PRDM1: variants seen among roughly 807,000 people sequenced by gnomAD.
PRDM1 encodes the protein PR domain zinc finger protein 1.
In PRDM1, 13 loss-of-function variants were observed where a neutral mutation model predicts 62.8. The ratio of observed to expected loss-of-function variants is 0.21; its 90% CI spans 0.13 to 0.33. The LOEUF is 0.33. PRDM1 is among the 10% of genes least tolerant of loss of function. The pLI, the probability that PRDM1 is intolerant of heterozygous loss-of-function variation, is 1.00. For synonymous variants in PRDM1, 396 were observed against 417.6 expected (o/e 0.95, Z 0.63); for missense variants, 895 against 1,058.8 (o/e 0.85, Z 2.15).
chr6:106,036,829 T>G (rs1427240000), intron 1 of PRDM1, among the ~76,000 whole-genome samples: 1 of 151,852 alleles, frequency 6.6e-6, no homozygotes, highest in Non-Finnish European at 1.5e-5. Context: ...ATACAAAAAT[T>G]TAGAGATGGG....
intron 1 of PRDM1, among the ~76,000 whole-genome samples, chr6:106,036,013 C>T (rs1018343323): frequency 7.2e-5 from 11 of 151,740 alleles, no homozygotes; most frequent in Non-Finnish European, 1.5e-4. Flanking sequence ...AGTGACCCAC[C>T]TGCCTCGGCC....
At chr6:106,039,927 G>T (rs1272470300) in intron 1 of PRDM1, among the ~76,000 whole-genome samples, 1 of 152,204 alleles carries the variant, frequency 6.6e-6, no homozygotes, top group Non-Finnish European at 1.5e-5. Flanking sequence ...TCCTAGTAAA[G>T]GTTTGCCAGT....
chr6:106,050,005 T>A (rs56177114), intron 1 of PRDM1, among the ~76,000 whole-genome samples: 6,528 of 152,278 alleles, frequency 0.043, 162 homozygotes, highest in Non-Finnish European at 0.059. Context: ...AATATTCATA[T>A]TTGGTGCAGA....
At chr6:106,011,829 T>TA (rs751161601) in intron 1 of PRDM1, among the ~76,000 whole-genome samples, 20 of 151,706 alleles carry the variant, frequency 1.3e-4, no homozygotes, top group Non-Finnish European at 2.5e-4. Flanking sequence ...CCCCCACACA[T>TA]TCACACACAT....
In PRDM1 at chr6:106,104,863, A is replaced by G; in HGVS notation, c.703A>G (p.Lys235Glu). Residue 235 changes from lysine to glutamate, a missense_variant, in exon 5 of 7, where the codon AAA becomes GAA. Coordinates refer to ENST00000369096, the MANE Select transcript of PRDM1 (RefSeq NM_001198.4). The part of the protein sequence containing the change: ...QSSLKQPSTE[K>E]NELCPKNVPK... ...CAGTCTAAAGCAACCGAGCACTGAG[A>G]AAAATGAACTCTGCCCAAAGAATGT... 1 of 1,614,014 alleles carries G rather than the reference A, an allele frequency of 6.2e-7. No homozygotes were observed. Among genetic ancestry groups the G allele is most frequent in the Non-Finnish European group, 8.5e-7 (1 of 1,179,982 alleles).
chr6:105,992,759 C>T (rs113648433), upstream of PRDM1, among the ~76,000 whole-genome samples: 250 of 152,352 alleles, frequency 1.6e-3, 3 homozygotes, highest in African/African-American at 5.5e-3. Context: ...ACTTCAGGTC[C>T]CCCTTGCCTG....
At position 106,099,225 on chromosome 6, in the gene PRDM1, T is replaced by C. The variant is rs1774196479; in HGVS notation, c.412-75T>C. ...ATCAGAAATCACACACGGTACCGGC[T>C]GTGTTTATTCTGAGAGGTGCTGGGG... On this transcript the variant is annotated intron_variant, in intron 3 of 6. Coordinates refer to ENST00000369096, the MANE Select transcript of PRDM1 (RefSeq NM_001198.4). 3 of 1,605,964 alleles carry C rather than the reference T, an allele frequency of 1.9e-6. No homozygotes were observed. The Admixed American group carries it at 5.0e-5, about 27-fold the overall frequency.
At chr6:106,033,243 G>A (rs1484229247) in intron 1 of PRDM1, among the ~76,000 whole-genome samples, 1 of 151,522 alleles carries the variant, frequency 6.6e-6, no homozygotes, top group Non-Finnish European at 1.5e-5. Flanking sequence ...GGGCCCAAGT[G>A]ATACCCCACC....
intron 1 of PRDM1, among the ~76,000 whole-genome samples, chr6:105,993,761 G>C (rs1049307398): frequency 1.3e-5 from 2 of 152,238 alleles, no homozygotes; most frequent in Non-Finnish European, 2.9e-5. Flanking sequence ...ATGAGGGATA[G>C]TAAAAGAGTG....
intron 1 of PRDM1, among the ~76,000 whole-genome samples, chr6:106,040,415 AG>A (rs1185542296): frequency 6.6e-6 from 1 of 152,202 alleles, no homozygotes; most frequent in Non-Finnish European, 1.5e-5. Flanking sequence ...GTCTATCTGC[AG>A]GCCAGGGTGT....
intron 1 of PRDM1, among the ~76,000 whole-genome samples, chr6:106,004,473 A>T (rs1772461364): frequency 6.6e-6 from 1 of 152,220 alleles, no homozygotes; most frequent in South Asian, 2.1e-4. Context: ...GCATAACCTG[A>T]GTGACTTCTT....
intron 1 of PRDM1, among the ~76,000 whole-genome samples, chr6:106,052,347 A>AT (rs766640667): frequency 6.6e-6 from 1 of 151,980 alleles, no homozygotes; most frequent in Non-Finnish European, 1.5e-5. Context: ...TTTTGGCAAG[A>AT]TTTTTTTTAC....
chr6:106,066,739 C>G (rs1232551882), intron 1 of PRDM1, among the ~76,000 whole-genome samples: 1 of 152,114 alleles, frequency 6.6e-6, no homozygotes, highest in Non-Finnish European at 1.5e-5. Flanking sequence ...TGTTTCTAGT[C>G]TTTTTTTCCT....
intron 4 of PRDM1, among the ~76,000 whole-genome samples, chr6:106,101,098 C>T (rs924069442): frequency 5.9e-5 from 9 of 152,248 alleles, no homozygotes; most frequent in Middle Eastern, 3.4e-3. Context: ...ACTCGTATTC[C>T]AGCTGTGCGT....
At chr6:106,007,957 C>A (rs1053478370) in intron 1 of PRDM1, among the ~76,000 whole-genome samples, 1 of 152,184 alleles carries the variant, frequency 6.6e-6, no homozygotes, top group African/African-American at 2.4e-5. Context: ...GTTTGTTCCA[C>A]GAAAAATGTA....
intron 1 of PRDM1, among the ~76,000 whole-genome samples, chr6:106,013,214 G>T (rs1345322254): frequency 2.0e-5 from 3 of 151,848 alleles, no homozygotes; most frequent in Non-Finnish European, 4.4e-5. Flanking sequence ...ATCAATAATT[G>T]CAGTGCTTAT....
Position 106,108,742 on chromosome 6 carries a change from T to C in PRDM1, c.*1256T>C. On this transcript the variant is annotated 3_prime_UTR_variant, in exon 7 of 7. Coordinates refer to ENST00000369096, the MANE Select transcript of PRDM1 (RefSeq NM_001198.4). ...GTAAAACTCAGATTTTCCTCAGTAT[T>C]TGTGTTTTTACATTTTATGGTTAAT... 1 of 233,422 alleles carries C rather than the reference T, an allele frequency of 4.3e-6. No homozygotes were observed. Among genetic ancestry groups the C allele is most frequent in the East Asian group, 6.0e-5 (1 of 16,656 alleles). 14.5% of individuals were successfully genotyped at this position (233,422 alleles called of 1,614,324 possible).
At chr6:106,102,832 G>A (rs1040212371) in intron 4 of PRDM1, among the ~76,000 whole-genome samples, 5 of 152,034 alleles carry the variant, frequency 3.3e-5, no homozygotes, top group Non-Finnish European at 2.9e-5. Context: ...CATTTTATTC[G>A]AGCGGCATCG....
chr6:106,035,779 T>A (rs996949903), intron 1 of PRDM1, among the ~76,000 whole-genome samples: 1 of 152,246 alleles, frequency 6.6e-6, no homozygotes, highest in Non-Finnish European at 1.5e-5. Flanking sequence ...CTCTTATAGA[T>A]AACATAAAAT....
Sources: allele counts gnomAD v4.1 joint callset (sites outside exome capture counted in the v4.1 genomes callset), GRCh38; gene constraint gnomAD v4.1.1; transcripts MANE v1.5; gene names NCBI Gene and HGNC (gene_info 2026-07-23, HGNC 2026-07-21).